The following MYO16 variants were observed in gnomAD, a reference collection of about 807,000 sequenced individuals.
The protein encoded by MYO16 is myosin XVI, also known as unconventional myosin-XVI.
Under a neutral mutation model 205.3 loss-of-function variants are expected in MYO16, and 94 were observed. The ratio of observed to expected loss-of-function variants is 0.46; its 90% CI spans 0.39 to 0.54. The LOEUF is 0.54. Among genes scored for constraint, MYO16 ranks in the 20% least tolerant of loss-of-function variants. MYO16 has a pLI of 0.00. For missense variants in MYO16, 2,315 were observed against 2,387.5 expected, an observed-to-expected ratio of 0.97 and a Z score of 0.63; for synonymous variants, 988 against 954.0, an observed-to-expected ratio of 1.04 and a Z score of -0.66.
intron 16 of MYO16, among the ~76,000 whole-genome samples, chr13:108,920,276 C>T (rs1566411989): frequency 3.3e-5 from 5 of 151,466 alleles, no homozygotes; most frequent in African/African-American, 9.8e-5. Flanking sequence ...TGTTCCACTC[C>T]TTTTTTTCTC....
At chr13:108,600,395 T>C (rs1359523155) in intron 1 of MYO16, among the ~76,000 whole-genome samples, 1 of 152,194 alleles carries the variant, frequency 6.6e-6, no homozygotes, top group Non-Finnish European at 1.5e-5. Context: ...AATAACACAA[T>C]GCATCAAAGG....
intron 2 of MYO16, among the ~76,000 whole-genome samples, chr13:108,678,926 G>T (rs191228732): frequency 2.0e-5 from 3 of 152,264 alleles, no homozygotes; most frequent in Admixed American, 2.0e-4. Flanking sequence ...TCTGGTGAGG[G>T]TCTGCTTTCC....
At chr13:108,778,343 G>A (rs2002902) in intron 4 of MYO16, among the ~76,000 whole-genome samples, 51,668 of 152,150 alleles carry the variant, frequency 0.34, 9,977 homozygotes, top group East Asian at 0.63. Flanking sequence ...TCACAGTTGG[G>A]TGCAGTGGCT....
At chr13:108,840,190 A>C (rs572330856) in intron 9 of MYO16, among the ~76,000 whole-genome samples, 1 of 152,312 alleles carries the variant, frequency 6.6e-6, no homozygotes, top group South Asian at 2.1e-4. Flanking sequence ...CCTACTTGCA[A>C]GTATTTTCAT....
chr13:108,509,219 C>T, the MYO16 span, among the ~76,000 whole-genome samples: 15 of 151,932 alleles, frequency 9.9e-5, 1 homozygote, highest in Admixed American at 4.6e-4. Context: ...CCAACAGAAA[C>T]GGAATTGGAA....
intron 23 of MYO16, among the ~76,000 whole-genome samples, chr13:109,044,557 C>T (rs1483858503): frequency 6.6e-6 from 1 of 151,800 alleles, no homozygotes; most frequent in Non-Finnish European, 1.5e-5. Context: ...GATGATCATA[C>T]CTGTTATATA....
chr13:108,696,712 C>A (rs138920307), intron 2 of MYO16, among the ~76,000 whole-genome samples: 5 of 152,038 alleles, frequency 3.3e-5, no homozygotes, highest in African/African-American at 9.7e-5. Context: ...TATTAAGATT[C>A]GTACATTTTA....
chr13:109,118,943 A>G (rs1471158842), intron 28 of MYO16, among the ~76,000 whole-genome samples: 1 of 152,248 alleles, frequency 6.6e-6, no homozygotes, highest in Non-Finnish European at 1.5e-5. Context: ...CATCTAGTCA[A>G]CCAGAAGGCT....
chr13:108,666,786 C>T (rs1049995721), intron 2 of MYO16, among the ~76,000 whole-genome samples: 1 of 152,160 alleles, frequency 6.6e-6, no homozygotes, highest in African/African-American at 2.4e-5. Flanking sequence ...TCTCAATTGT[C>T]TTCACAAGAC....
upstream of MYO16, among the ~76,000 whole-genome samples, chr13:108,595,502 A>C (rs191088369): frequency 2.7e-3 from 410 of 152,336 alleles, 2 homozygotes; most frequent in South Asian, 0.021. Flanking sequence ...TAACTAGCGC[A>C]GTGAAGGTAG....
At chr13:108,533,085 G>A in the MYO16 span, among the ~76,000 whole-genome samples, 1 of 152,164 alleles carries the variant, frequency 6.6e-6, no homozygotes, top group Non-Finnish European at 1.5e-5. Flanking sequence ...AAATTATGAA[G>A]CATGGTTACT....
At chr13:108,758,480 G>T (rs538171183) in intron 4 of MYO16, among the ~76,000 whole-genome samples, 1 of 152,124 alleles carries the variant, frequency 6.6e-6, no homozygotes, top group African/African-American at 2.4e-5. Flanking sequence ...ACTATTGCTT[G>T]ATTTTCACAC....
chr13:109,181,419 A>C lies in MYO16; in HGVS notation c.5415+1786A>C, dbSNP rs1198634941. Among the ~76,000 whole-genome samples the C allele has an allele frequency of 3.9e-5, 6 of 152,262 alleles. No homozygotes were observed. In the East Asian group the frequency reaches 1.2e-3, roughly 29 times the overall value. ...TGTGACATTTATACAAGAAGTATGG[A>C]CACATGCAGGGAACCAGCTTTTTAG... On this transcript the variant is annotated intron_variant, in intron 34 of 34. Transcript: ENST00000457511.
the MYO16 span, among the ~76,000 whole-genome samples, chr13:108,577,322 G>A: frequency 6.6e-6 from 1 of 152,184 alleles, no homozygotes; most frequent in Non-Finnish European, 1.5e-5. Flanking sequence ...AGCCAAATCT[G>A]GCTATTAGAG....
chr13:109,030,031 C>A (rs1886499034), intron 23 of MYO16, among the ~76,000 whole-genome samples: 1 of 152,048 alleles, frequency 6.6e-6, no homozygotes, highest in Admixed American at 6.6e-5. Flanking sequence ...TAAATTTCAG[C>A]TGTGTCAATT....
At chr13:108,614,523 T>A (rs1203188167) in intron 1 of MYO16, among the ~76,000 whole-genome samples, 1 of 152,068 alleles carries the variant, frequency 6.6e-6, no homozygotes, top group Non-Finnish European at 1.5e-5. Context: ...AAAAACTATC[T>A]TTAAAATGAA....
chr13:108,867,872 G>A (rs534200629), intron 12 of MYO16, among the ~76,000 whole-genome samples: 31 of 152,090 alleles, frequency 2.0e-4, no homozygotes, highest in African/African-American at 6.5e-4. Flanking sequence ...CTCGCCCTCC[G>A]CTTTGCATGG....
intron 12 of MYO16, among the ~76,000 whole-genome samples, chr13:108,881,772 G>A (rs1240972069): frequency 1.3e-5 from 2 of 152,198 alleles, no homozygotes; most frequent in African/African-American, 4.8e-5. Context: ...AATGAACAAA[G>A]CCTCCAAGAA....
At chr13:108,496,246 CAGA>C in the MYO16 span, among the ~76,000 whole-genome samples, 1 of 152,228 alleles carries the variant, frequency 6.6e-6, no homozygotes, top group African/African-American at 2.4e-5. Context: ...GGACCTACCC[CAGA>C]AGGAGGGGGC....
Sources: gnomAD v4.1 joint callset for allele counts (sites outside exome capture counted in the v4.1 genomes callset) on GRCh38, gnomAD v4.1.1 for gene constraint, MANE v1.5 for transcripts, NCBI Gene and HGNC (gene_info 2026-07-23, HGNC 2026-07-21) for gene names.